PAM16: variants seen among roughly 807,000 people sequenced by gnomAD.
PAM16 encodes presequence translocase associated motor 16, also known as mitochondrial import inner membrane translocase subunit TIM16.
In PAM16, 11 loss-of-function variants were observed where a neutral mutation model predicts 17.9. That is an observed-to-expected ratio of 0.62 (90% CI 0.39 to 1.02). PAM16 has a LOEUF of 1.02. Among genes scored for constraint, PAM16 ranks in the 50% least tolerant of loss-of-function variants. The probability of loss-of-function intolerance (pLI) is 0.01; values close to 1 mark genes in which losing one functional copy is unlikely to be tolerated. For synonymous variants in PAM16, 72 were observed against 67.4 expected (o/e 1.07, Z -0.34); for missense variants, 199 against 165.4 (o/e 1.20, Z -1.11).
intron 1 of PAM16, chr16:4,347,517 A>G (rs1383015162): frequency 6.6e-6 from 1 of 152,278 alleles, no homozygotes; most frequent in Non-Finnish European, 1.5e-5. Flanking sequence ...TCAGGAGGCA[A>G]TGCCCATTAA....
rs775093448 is a variant in PAM16 at position 4,343,296 on chromosome 16, G to A, written c.4-5C>T. The A allele has an allele frequency of 1.2e-6, 2 of 1,605,312 alleles. No homozygotes were observed. Among genetic ancestry groups the A allele is most frequent in the African/African-American group, 2.7e-5 (2 of 74,750 alleles). On this transcript the variant is annotated splice_region_variant and splice_polypyrimidine_tract_variant and intron_variant, in intron 1 of 4. Coordinates refer to ENST00000318059, the MANE Select transcript of PAM16 (RefSeq NM_016069.11). ...GATCTGGGCCAGGTACTTGGCCTGT[G>A]GGCAAAGCAGGCACCCGGTTAGCAG...
chr16:4,348,285 C>T (rs1212518924), intron 1 of PAM16: 1 of 152,220 alleles, frequency 6.6e-6, no homozygotes, highest in Non-Finnish European at 1.5e-5. Context: ...AACTCCATGT[C>T]CCCAGGCAGG....
In PAM16 at chr16:4,341,647, G is replaced by C. The variant is rs957820361; in HGVS notation, c.89-143C>G. 2.9e-6 allele frequency: 4 copies of C among 1,380,372 alleles called. No homozygotes were observed. In the Admixed American group the frequency reaches 1.0e-4, roughly 35 times the overall value. 85.5% of individuals were successfully genotyped at this position (1,380,372 alleles called of 1,614,324 possible). A position where few individuals can be genotyped will look rare whatever the true frequency, so the allele number is the denominator to read the frequency against. Reference sequence around the variant, plus strand: ...GCTAGGAGCTGCCTCTTCTCCAGGAGTGGTTTCCTTTTTAGGGGGTAGAGG... The same window carrying C: ...GCTAGGAGCTGCCTCTTCTCCAGGACTGGTTTCCTTTTTAGGGGGTAGAGG... On this transcript the variant is annotated intron_variant, in intron 2 of 4. Coordinates refer to ENST00000318059, the MANE Select transcript of PAM16 (RefSeq NM_016069.11).
chr16:4,349,745 C>T (rs1396079143), intron 1 of PAM16, among the ~76,000 whole-genome samples: 1 of 152,018 alleles, frequency 6.6e-6, no homozygotes, highest in African/African-American at 2.4e-5. Flanking sequence ...CTAGCCGGGG[C>T]GACAGACAGA....
At chr16:4,349,680 T>C (rs753749823) in intron 1 of PAM16, among the ~76,000 whole-genome samples, 7 of 152,054 alleles carry the variant, frequency 4.6e-5, no homozygotes, top group Non-Finnish European at 8.8e-5. Context: ...GGTAGGAGGA[T>C]GGCTTGAGCC....
Position 4,340,413 on chromosome 16 carries a change from G to C in PAM16, c.292-8C>G. 6.2e-7 allele frequency: 1 copy of C among 1,609,696 alleles called. No individual in the cohort carries two copies. Among genetic ancestry groups the C allele is most frequent in the Admixed American group, 1.7e-5 (1 of 59,732 alleles). ...CTCCTTTGCGCGGACCACCTAGTGGGTCACGGATAATCAGGCCGGGAGGCC... is the reference window on the plus strand; with the variant it reads ...CTCCTTTGCGCGGACCACCTAGTGGCTCACGGATAATCAGGCCGGGAGGCC... On this transcript the variant is annotated splice_polypyrimidine_tract_variant and splice_region_variant and intron_variant, in intron 4 of 4. Coordinates refer to ENST00000318059, the MANE Select transcript of PAM16 (RefSeq NM_016069.11).
chr16:4,343,161 C>T (rs1260058197), intron 2 of PAM16, 46 bp downstream of exon 2: 6 of 1,611,808 alleles, frequency 3.7e-6, no homozygotes, highest in Non-Finnish European at 5.1e-6. Context: ...AAAATCTGAC[C>T]TGGAGAGGAA....
intron 1 of PAM16, among the ~76,000 whole-genome samples, chr16:4,350,504 G>GT (rs1450313366): frequency 1.3e-5 from 2 of 151,804 alleles, no homozygotes; most frequent in East Asian, 3.9e-4. Flanking sequence ...GGGTTCAAGC[G>GT]TCTGTCCTGC....
In PAM16 at chr16:4,341,402, T is replaced by C. The variant is rs770957436; in HGVS notation, c.191A>G (p.Asn64Ser). The C allele has an allele frequency of 2.4e-5, 39 of 1,596,006 alleles. No homozygotes were observed. Among genetic ancestry groups the C allele is most frequent in the East Asian group, 4.5e-5 (2 of 44,234 alleles). The change falls in exon 3 of 5, where the codon AAC becomes AGC. Residue 64 changes from asparagine (N) to serine (S), a missense_variant. Transcript: ENST00000318059. ...CTCCTCAGGGCTCAGCTTGGACACG[T>C]TGAGAATCTGCTGTGCCTCCTGGAG... is the stretch of plus-strand genomic sequence containing the variant. Reference protein sequence around the residue: ...LSLQEAQQILNVSKLSPEEVQ... With the variant: ...LSLQEAQQILSVSKLSPEEVQ...
At chr16:4,342,492 T>C (rs1286755989) in intron 2 of PAM16, among the ~76,000 whole-genome samples, 1 of 145,180 alleles carries the variant, frequency 6.9e-6, no homozygotes, top group Non-Finnish European at 1.5e-5. Context: ...CCGTCTCTAC[T>C]AAAAATACAA....
At position 4,341,463 on chromosome 16, in the gene PAM16, G is replaced by A. The variant is rs781160994; in HGVS notation, c.130C>T (p.Arg44Trp). ...GAGAGGTTGGAAGCGGCTGCAGACC[G>A]GTGTCCAGCGCGTCCTCGGGCATCA... ...AADARGRAGHRSAAASNLSGL... is the reference protein window; with the variant it reads ...AADARGRAGHWSAAASNLSGL... Residue 44 changes from arginine (R) to tryptophan (W), a missense_variant, in exon 3 of 5, where the codon CGG (arginine) becomes TGG (tryptophan). Physicochemically the swap from Arg to Trp is moderately radical, Grantham distance 101 (BLOSUM62 -3). Transcript: ENST00000318059. 1.1e-5 allele frequency: 18 copies of A among 1,609,810 alleles called. No homozygotes were observed. The highest frequency in any genetic ancestry group is 6.7e-5 in the Admixed American group (4 of 59,738).
intron 3 of PAM16, 119 bp from the exon 4 acceptor site, chr16:4,341,104 C>T: frequency 1.5e-6 from 2 of 1,368,126 alleles, no homozygotes; most frequent in South Asian, 1.2e-5. Flanking sequence ...TGTGCCACAC[C>T]CAGCTGTTGT....
chr16:4,344,651 G>GACT (rs1386120880), intron 1 of PAM16, among the ~76,000 whole-genome samples: 5 of 52,398 alleles, frequency 9.5e-5, no homozygotes, highest in East Asian at 7.0e-4. Context: ...GAGAGGAGGG[G>GACT]GTTCCGTGAG....
At chr16:4,351,184 G>GGCCCGACTCGGCTTCCCCTCCCCGGTAGC (rs1567235060) in intron 1 of PAM16, 48 bp downstream of exon 1, 6 of 1,221,742 alleles carry the variant, frequency 4.9e-6, no homozygotes, top group East Asian at 3.2e-5. Flanking sequence ...CCCGGCCCCC[G>GGCCCGACTCGGCTTCCCCTCCCCGGTAGC]GCCCGACTCG....
chr16:4,341,284 G>T, intron 3 of PAM16, 84 bp downstream of exon 3: 1 of 1,505,240 alleles, frequency 6.6e-7, no homozygotes, highest in Non-Finnish European at 8.9e-7. Flanking sequence ...CTCCACATCG[G>T]ACCTCCCTGG....
At chr16:4,348,716 T>C (rs146775269) in intron 1 of PAM16, 1,851 of 148,632 alleles carry the variant, frequency 0.012, 32 homozygotes, top group African/African-American at 0.042. Flanking sequence ...AGTGCAGTAG[T>C]GCGATCTCGG....
At chr16:4,350,989 G>A (rs2053846828) in intron 1 of PAM16, 1 of 314,832 alleles carries the variant, frequency 3.2e-6, no homozygotes. Context: ...ACGCGGGCTA[G>A]GCACAGCGCG....
intron 1 of PAM16, 107 bp from the exon 2 acceptor site, chr16:4,343,398 AT>A (rs1351623367): frequency 1.0e-5 from 15 of 1,496,236 alleles, no homozygotes; most frequent in Non-Finnish European, 1.3e-5. Flanking sequence ...ACCCGAGGTC[AT>A]GAAGCACAGA....
rs373765751 is a variant in PAM16, at chr16:4,346,067, C to A, written c.4-2776G>T. 16 of 695,528 alleles carry A rather than the reference C, an allele frequency of 2.3e-5. No individual in the cohort carries two copies. The East Asian group carries it at 4.0e-4, about 17-fold the overall frequency. 43.1% of individuals were successfully genotyped at this position (695,528 alleles called of 1,614,324 possible). On this transcript the variant is annotated intron_variant, in intron 1 of 4. Coordinates refer to ENST00000318059, the MANE Select transcript of PAM16 (RefSeq NM_016069.11). Reference sequence around the variant, plus strand: ...ATAACTGGGGAGCTTCCCCGACCATCCCCTGCACACTTCAAACCAAAGCGG... The same window carrying A: ...ATAACTGGGGAGCTTCCCCGACCATACCCTGCACACTTCAAACCAAAGCGG...
Sources: gnomAD v4.1 joint callset for allele counts (sites outside exome capture counted in the v4.1 genomes callset) on GRCh38, gnomAD v4.1.1 for gene constraint, MANE v1.5 for transcripts, NCBI Gene and HGNC (gene_info 2026-07-23, HGNC 2026-07-21) for gene names.